PRAMEF2: variants seen among roughly 807,000 people sequenced by gnomAD.
PRAMEF2 encodes PRAME family member 2.
A neutral mutation model predicts 38.0 loss-of-function variants in PRAMEF2; 35 were observed. The ratio of observed to expected loss-of-function variants is 0.92; its 90% confidence interval spans 0.70 to 1.22. The LOEUF is 1.22. Ranked by LOEUF, PRAMEF2 falls within the 50% of genes most tolerant of loss-of-function variation. The pLI is 0.00. For synonymous variants in PRAMEF2, 240 were observed against 232.4 expected (o/e 1.03, Z -0.30); for missense variants, 562 against 553.9 (o/e 1.01, Z -0.15).
chr1:12,858,555 A>G (rs1640482835), intron 1 of PRAMEF2, among the ~76,000 whole-genome samples: 1 of 150,044 alleles, frequency 6.7e-6, no homozygotes, highest in Non-Finnish European at 1.5e-5. Context: ...GATTTTAGGG[A>G]GTCCCTTTAG....
chr1:12,858,355 C>CA (rs1640480290), intron 1 of PRAMEF2, among the ~76,000 whole-genome samples: 1 of 150,106 alleles, frequency 6.7e-6, no homozygotes, highest in South Asian at 2.1e-4. Flanking sequence ...CTTCTGGAGT[C>CA]AAATGATTCT....
rs58396794 is a variant in PRAMEF2, at chr1:12,861,796, G to A, written c.*17G>A. ...TGCTGCTAGGGAAGGCGTGCCCAGT[G>A]GGGTAGAGAAATCCAAAGTTCTCTT... On this transcript the variant is annotated 3_prime_UTR_variant, in exon 4 of 4. Transcript: ENST00000240189. The A allele has an allele frequency of 0.094, 143,372 of 1,520,548 alleles. 7,185 individuals carry two copies. Among genetic ancestry groups the A allele is most frequent in the African/African-American group, 0.12 (8,478 of 71,308 alleles). The allele number at this position is 1,520,548 out of a possible 1,614,324, so 94.2% of individuals were successfully genotyped here. A position where few individuals can be genotyped will look rare whatever the true frequency, so the allele number is the denominator to read the frequency against.
chr1:12,858,946 C>T, intron 1 of PRAMEF2, 39 bp from the exon 2 acceptor site: 1 of 1,547,880 alleles, frequency 6.5e-7, no homozygotes, highest in Non-Finnish European at 8.8e-7. Context: ...ATTGTGTTTG[C>T]CCTGAGAGTG....
chr1:12,859,837 C>T lies in PRAMEF2; in HGVS notation c.432C>T (p.His144=), dbSNP rs763738040. 1 of 1,607,360 alleles carries T rather than the reference C, an allele frequency of 6.2e-7. No individual in the cohort carries two copies. The highest frequency in any genetic ancestry group is 1.3e-5 in the African/African-American group (1 of 74,332). ...TAEDCPRTGE[H]QPLKVFIDIC... is the part of the protein sequence containing the mutation. ...AGGACTGTCCAAGGACGGGAGAGCA[C>T]CAGCCCTTAAAGGTGTTCATAGACA... The change falls in exon 3 of 4, where the codon CAC becomes CAT. Residue 144 remains histidine (H), a synonymous_variant. Transcript: ENST00000240189.
Position 12,860,700 on chromosome 1 carries a change from T to C in PRAMEF2, c.866+429T>C, listed in dbSNP as rs1179156816. 5.3e-5 allele frequency among the ~76,000 whole-genome samples: 8 copies of C among 150,520 alleles called. 1 individual carries two copies. Among genetic ancestry groups the C allele is most frequent in the African/African-American group, 2.0e-4 (8 of 41,000 alleles). ...CCGGCTTAGTGATCACGAATGATCC[T>C]GTCTTTAATTCCCTGTCTGCAAAAC... On this transcript the variant is annotated intron_variant, in intron 3 of 3. Coordinates refer to ENST00000240189, the MANE Select transcript of PRAMEF2 (RefSeq NM_023014.1).
In PRAMEF2 at chr1:12,861,587, G is replaced by A. The variant is rs370982921; in HGVS notation, c.1233G>A (p.Thr411=). Residue 411 remains threonine (T), a synonymous_variant, in exon 4 of 4, where the codon ACG becomes ACA. Transcript: ENST00000240189. ...GGCTGAGCAAGTTAAGCCTGGAGAC[G>A]TATCCTGCCCCTGAGGAGAGTTTGA... ...TSGLSKLSLE[T]YPAPEESLNS... 1.1e-4 allele frequency: 172 copies of A among 1,604,538 alleles called. 2 individuals are homozygous for A. Among genetic ancestry groups the A allele is most frequent in the Non-Finnish European group, 1.4e-4 (159 of 1,176,642 alleles).
chr1:12,859,238 C>G lies in PRAMEF2; in HGVS notation c.229C>G (p.Pro77Ala), dbSNP rs141806733. The change falls in exon 2 of 4, where the codon CCA becomes GCA. Residue 77 changes from proline to alanine, a missense_variant. Pro to Ala is a conservative substitution (Grantham distance 27). Transcript: ENST00000240189. ...GCTGATGAAGACGCTTCATCTGGAG[C>G]CATTGAAAGCATTGCTGGAAGGGCT... ...VSLMKTLHLE[P>A]LKALLEGLHM... The G allele has an allele frequency of 9.1e-4, 1,468 of 1,610,360 alleles. 189 individuals carry two copies. The Admixed American group carries it at 0.023, about 26-fold the overall frequency.
In PRAMEF2 at chr1:12,860,615, G is replaced by T. The variant is rs1640531961; in HGVS notation, c.866+344G>T. 1.3e-5 allele frequency among the ~76,000 whole-genome samples: 2 copies of T among 149,896 alleles called. 1 individual carries two copies. Among genetic ancestry groups the T allele is most frequent in the South Asian group, 4.3e-4 (2 of 4,694 alleles). On this transcript the variant is annotated intron_variant, in intron 3 of 3. Transcript: ENST00000240189. ...GATGTCAAAGAGATAATAGAGGAGG[G>T]TATGAAAGGAGGGAAAGCGCATCAA... is the stretch of plus-strand genomic sequence containing the variant.
rs1557627859 is a variant in PRAMEF2, at chr1:12,859,378, A to C, written c.287+82A>C. The stretch of plus-strand genomic sequence containing the variant: ...CAGGGTCAGGCAGAGAAGTAACCCA[A>C]GTGCGGCCCAGAGTCTTCTGATGGT... On this transcript the variant is annotated intron_variant, in intron 2 of 3. Transcript: ENST00000240189. 1.3e-6 allele frequency: 2 copies of C among 1,599,112 alleles called. 1 individual carries two copies. The highest frequency in any genetic ancestry group is 2.7e-5 in the African/African-American group (2 of 74,148).
At position 12,861,369 on chromosome 1, in the gene PRAMEF2, C is replaced by T. The variant is rs751705997; in HGVS notation, c.1015C>T (p.Pro339Ser). The part of the protein sequence containing the change: ...YVLLFRISLE[P>S]LGALLEKIAA... ...GCTGCTGTTCCGCATCAGTCTTGAA[C>T]CCCTAGGAGCTCTGCTAGAGAAAAT... The change falls in exon 4 of 4, where the codon CCC (proline) becomes TCC (serine). Residue 339 changes from proline to serine, a missense_variant. Physicochemically the swap from Pro to Ser is moderately conservative, Grantham distance 74 (BLOSUM62 -1). This residue lies in a region of PRAMEF2 where 486 missense variants were observed against 444.2 expected (regional missense o/e 1.09). Coordinates refer to ENST00000240189, the MANE Select transcript of PRAMEF2 (RefSeq NM_023014.1). 7 of 1,606,172 alleles carry T rather than the reference C, an allele frequency of 4.4e-6. No homozygotes were observed. Among genetic ancestry groups the T allele is most frequent in the Middle Eastern group, 1.7e-4 (1 of 6,002 alleles).
At chr1:12,861,178 T>C (rs753476661) in intron 3 of PRAMEF2, 43 bp from the exon 4 acceptor site, 1 of 1,579,782 alleles carries the variant, frequency 6.3e-7, no homozygotes, top group East Asian at 2.2e-5. Context: ...TACCTTCATC[T>C]AACTGGTACC....
chr1:12,858,673 C>T (rs1294980050), intron 1 of PRAMEF2, among the ~76,000 whole-genome samples: 2 of 149,948 alleles, frequency 1.3e-5, no homozygotes, highest in African/African-American at 2.4e-5. Context: ...GAAATTTTTC[C>T]TCAAAGAGGT....
In PRAMEF2 at chr1:12,861,551, C is replaced by T. The variant is rs1421628459; in HGVS notation, c.1197C>T (p.Arg399=). 2 of 1,605,282 alleles carry T rather than the reference C, an allele frequency of 1.2e-6. No individual in the cohort carries two copies. Among genetic ancestry groups the T allele is most frequent in the Non-Finnish European group, 1.7e-6 (2 of 1,176,870 alleles). ...TTGACGCCCTGAAGGACCTGCTGCG[C>T]CACACCAGTGGGCTGAGCAAGTTAA... is the stretch of plus-strand genomic sequence containing the variant. ...MSIDALKDLL[R]HTSGLSKLSL... The change falls in exon 4 of 4, where the codon CGC becomes CGT. Residue 399 remains arginine (R), a synonymous_variant. Coordinates refer to ENST00000240189, the MANE Select transcript of PRAMEF2 (RefSeq NM_023014.1).
rs1335287975 is a variant in PRAMEF2, at chr1:12,861,761, G to A, written c.1407G>A (p.Glu469=). Residue 469 remains glutamate (E), a synonymous_variant, in exon 4 of 4, where the codon GAG becomes GAA. Coordinates refer to ENST00000240189, the MANE Select transcript of PRAMEF2 (RefSeq NM_023014.1). ...SCGSSPSEEL[E]LHLCC ...GCTCATCACCGTCTGAGGAACTGGA[G>A]CTCCATCTTTGCTGCTAGGGAAGGC... 5.6e-6 allele frequency: 9 copies of A among 1,593,640 alleles called. 1 individual carries two copies. Among genetic ancestry groups the A allele is most frequent in the South Asian group, 2.2e-5 (2 of 89,170 alleles).
At position 12,859,013 on chromosome 1, in the gene PRAMEF2, A is replaced by G. The variant is rs1640492350; in HGVS notation, c.4A>G (p.Ser2Gly). Residue 2 changes from serine (S) to glycine (G), a missense_variant, in exon 2 of 4, where the codon AGC (serine) becomes GGC (glycine). By Grantham distance (56) the Ser-to-Gly change is moderately conservative. Around this residue, in one of 2 missense-constraint regions of PRAMEF2, gnomAD observed 486 missense variants for 444.2 expected, o/e 1.09. Transcript: ENST00000240189. MSIQAPPRLLEL... is the reference protein window; with the variant it reads MGIQAPPRLLEL... Reference sequence around the variant, plus strand: ...TTTTTCTTGCAGATCCATCAGGATGAGCATCCAGGCCCCACCGAGACTACT... The same window carrying G: ...TTTTTCTTGCAGATCCATCAGGATGGGCATCCAGGCCCCACCGAGACTACT... The G allele has an allele frequency of 4.4e-6, 7 of 1,600,956 alleles. 1 individual carries two copies. In the Admixed American group the frequency reaches 5.3e-5, roughly 12 times the overall value.
At position 12,861,176 on chromosome 1, in the gene PRAMEF2, T is replaced by C; in HGVS notation, c.867-45T>C. ...TTGAGGTTATTCCCCACTACCTTCA[T>C]CTAACTGGTACCATTGCCCAGAACT... On this transcript the variant is annotated intron_variant, in intron 3 of 3. Coordinates refer to ENST00000240189, the MANE Select transcript of PRAMEF2 (RefSeq NM_023014.1). 1.9e-6 allele frequency: 3 copies of C among 1,577,382 alleles called. 1 individual carries two copies. The highest frequency in any genetic ancestry group is 2.6e-6 in the Non-Finnish European group (3 of 1,153,168).
In PRAMEF2 at chr1:12,860,060, C is replaced by T. The variant is rs1320762272; in HGVS notation, c.655C>T (p.His219Tyr). 6.2e-7 allele frequency: 1 copy of T among 1,606,658 alleles called. No individual in the cohort carries two copies. The highest frequency in any genetic ancestry group is 1.1e-5 in the South Asian group (1 of 90,480). The part of the protein sequence containing the change: ...ELEIHNTCWP[H>Y]LIRKLYCYLK... ...GGAAATTCACAACACGTGCTGGCCA[C>T]ATCTGATAAGAAAGCTTTATTGTTA... is the stretch of plus-strand genomic sequence containing the variant. Residue 219 changes from histidine to tyrosine, a missense_variant, in exon 3 of 4, where the codon CAT (histidine) becomes TAT (tyrosine). Coordinates refer to ENST00000240189, the MANE Select transcript of PRAMEF2 (RefSeq NM_023014.1).
chr1:12,860,019 A>G lies in PRAMEF2; in HGVS notation c.614A>G (p.Asn205Ser), dbSNP rs1446479467. 1.7e-5 allele frequency: 28 copies of G among 1,606,944 alleles called. 1 individual carries two copies. In the East Asian group the frequency reaches 6.3e-4, roughly 36 times the overall value. The change falls in exon 3 of 4, where the codon AAT (asparagine) becomes AGT (serine). Residue 205 changes from asparagine (N) to serine (S), a missense_variant. Physicochemically the swap from Asn to Ser is conservative, Grantham distance 46. This residue lies in a region of PRAMEF2 where 486 missense variants were observed against 444.2 expected (regional missense o/e 1.09). Transcript: ENST00000240189. ...LRKSLKIIYI[N>S]SIGELEIHNT... ...AAGTCATTGAAAATAATATACATTAATAGTATTGGGGAGCTGGAAATTCAC... is the reference window on the plus strand; with the variant it reads ...AAGTCATTGAAAATAATATACATTAGTAGTATTGGGGAGCTGGAAATTCAC...
In PRAMEF2 at chr1:12,858,392, T is replaced by C. The variant is rs1326553443; in HGVS notation, c.-25-593T>C. 4.0e-5 allele frequency among the ~76,000 whole-genome samples: 6 copies of C among 150,124 alleles called. 1 individual carries two copies. Among genetic ancestry groups the C allele is most frequent in the Non-Finnish European group, 8.9e-5 (6 of 67,596 alleles). On this transcript the variant is annotated intron_variant, in intron 1 of 3. Coordinates refer to ENST00000240189, the MANE Select transcript of PRAMEF2 (RefSeq NM_023014.1). ...AACTTTTGTATATTTAGTAGAGACA[T>C]GGTTTCATTATGTAGGCCCAGGCTG...
Sources: allele counts gnomAD v4.1 joint callset (sites outside exome capture counted in the v4.1 genomes callset), GRCh38; gene constraint gnomAD v4.1.1; regional missense constraint gnomAD v4.1.1; transcripts MANE v1.5; gene names NCBI Gene and HGNC (gene_info 2026-07-23, HGNC 2026-07-21).